JMJD1C: variants seen among roughly 807,000 people sequenced by gnomAD.
JMJD1C encodes the protein jumonji domain-containing protein 1C.
In JMJD1C, 31 loss-of-function variants were observed where a neutral mutation model predicts 245.3. That is an observed-to-expected ratio of 0.13 (90% CI 0.09 to 0.17). JMJD1C has a LOEUF of 0.17. Among genes scored for constraint, JMJD1C ranks in the 10% least tolerant of loss-of-function variants. The pLI, the probability that JMJD1C is intolerant of heterozygous loss-of-function variation, is 1.00. For synonymous variants in JMJD1C, 1,057 were observed against 1,017.4 expected, an observed-to-expected ratio of 1.04 and a Z score of -0.74; for missense variants, 2,691 against 3,000.2, an observed-to-expected ratio of 0.90 and a Z score of 2.41.
upstream of JMJD1C, among the ~76,000 whole-genome samples, chr10:63,468,594 G>A (rs1953392201): frequency 6.6e-6 from 1 of 152,138 alleles, no homozygotes; most frequent in Admixed American, 6.6e-5. Context: ...TAAAAAGAAT[G>A]ACAGTGAATT....
chr10:63,369,464 A>G (rs981680822), intron 2 of JMJD1C, among the ~76,000 whole-genome samples: 1 of 152,174 alleles, frequency 6.6e-6, no homozygotes, highest in Non-Finnish European at 1.5e-5. Context: ...TTCTATGCCA[A>G]TAGTCCTGCA....
intron 1 of JMJD1C, among the ~76,000 whole-genome samples, chr10:63,392,881 C>CATAA (rs968331063): frequency 6.9e-6 from 1 of 144,712 alleles, no homozygotes; most frequent in African/African-American, 2.6e-5. Context: ...CACACACACA[C>CATAA]ACACACACAC....
At chr10:63,297,557 T>C (rs986004457) in intron 2 of JMJD1C, among the ~76,000 whole-genome samples, 5 of 152,102 alleles carry the variant, frequency 3.3e-5, no homozygotes, top group African/African-American at 1.2e-4. Flanking sequence ...AACACATTCC[T>C]GGCTGGCTTA....
chr10:63,399,935 T>TA (rs58364547), intron 1 of JMJD1C, among the ~76,000 whole-genome samples: 4 of 151,196 alleles, frequency 2.6e-5, no homozygotes, highest in Admixed American at 6.6e-5. Flanking sequence ...TTCCATTTTT[T>TA]AAAAAAAAAT....
chr10:63,404,782 A>C (rs866211396), intron 1 of JMJD1C, among the ~76,000 whole-genome samples: 15 of 152,308 alleles, frequency 9.8e-5, no homozygotes, highest in African/African-American at 3.6e-4. Flanking sequence ...AAAGAGAAGC[A>C]ATTATTAACT....
At chr10:63,225,991 C>A (rs897584538) in intron 3 of JMJD1C, among the ~76,000 whole-genome samples, 1 of 151,544 alleles carries the variant, frequency 6.6e-6, no homozygotes, top group African/African-American at 2.4e-5. Context: ...CCCCACCCCC[C>A]CCTTCCCTCC....
intron 1 of JMJD1C, among the ~76,000 whole-genome samples, chr10:63,419,654 G>A (rs10995530): frequency 0.66 from 100,083 of 151,648 alleles, 35,945 homozygotes; most frequent in Non-Finnish European, 0.81. Flanking sequence ...AATTCAGAAA[G>A]GCTATATCCT....
At chr10:63,302,246 A>G (rs1195672577) in intron 2 of JMJD1C, among the ~76,000 whole-genome samples, 5 of 152,194 alleles carry the variant, frequency 3.3e-5, no homozygotes, top group African/African-American at 1.2e-4. Context: ...CCCTGTACTC[A>G]AGTCATCTCC....
chr10:63,327,214 G>A (rs184055104), intron 2 of JMJD1C, among the ~76,000 whole-genome samples: 117 of 152,138 alleles, frequency 7.7e-4, no homozygotes, highest in African/African-American at 2.6e-3. Flanking sequence ...AAACAGGACA[G>A]CCTACAATCT....
intron 1 of JMJD1C, among the ~76,000 whole-genome samples, chr10:63,508,159 G>A (rs1403905139): frequency 6.6e-6 from 1 of 152,122 alleles, no homozygotes; most frequent in Non-Finnish European, 1.5e-5. Context: ...TAATCTGCCT[G>A]GTGTAAGGTC....
At chr10:63,521,456 C>A (rs1302035875) in intron 1 of JMJD1C, 5 of 805,182 alleles carry the variant, frequency 6.2e-6, no homozygotes, top group Non-Finnish European at 8.2e-6. Flanking sequence ...GCGCGAGGAG[C>A]CGGCGAAGCG....
chr10:63,513,978 C>T (rs1276127519), intron 1 of JMJD1C, among the ~76,000 whole-genome samples: 1 of 152,022 alleles, frequency 6.6e-6, no homozygotes, highest in Non-Finnish European at 1.5e-5. Context: ...AACACATGAA[C>T]AGACACTTCT....
intron 1 of JMJD1C, chr10:63,427,839 A>G: frequency 1.0e-6 from 1 of 955,584 alleles, no homozygotes; most frequent in Non-Finnish European, 1.7e-6. Context: ...TTGTTGAGAC[A>G]GCCAAGGAAG....
intron 3 of JMJD1C, among the ~76,000 whole-genome samples, chr10:63,238,482 A>G (rs1851054740): frequency 6.6e-6 from 1 of 152,326 alleles, no homozygotes; most frequent in South Asian, 2.1e-4. Flanking sequence ...TTTTGAATAA[A>G]AATATTTAGA....
At chr10:63,336,653 C>T (rs1942765089) in intron 2 of JMJD1C, among the ~76,000 whole-genome samples, 1 of 152,138 alleles carries the variant, frequency 6.6e-6, no homozygotes, top group African/African-American at 2.4e-5. Flanking sequence ...AGGGTCAGCA[C>T]TCACCATCTG....
chr10:63,249,673 A>G (rs995832638), intron 3 of JMJD1C, among the ~76,000 whole-genome samples: 5 of 152,102 alleles, frequency 3.3e-5, no homozygotes, highest in African/African-American at 1.2e-4. Flanking sequence ...AGCCTGTCCA[A>G]TAAGGTGAAA....
chr10:63,405,856 A>G (rs1289256067), intron 1 of JMJD1C, among the ~76,000 whole-genome samples: 1 of 152,210 alleles, frequency 6.6e-6, no homozygotes, highest in Non-Finnish European at 1.5e-5. Context: ...GAAGGGGATG[A>G]GTAAAACAAT....
intron 10 of JMJD1C, chr10:63,202,199 G>T: frequency 3.3e-6 from 2 of 607,600 alleles, no homozygotes; most frequent in Non-Finnish European, 4.1e-6. Flanking sequence ...AGTTGCAGTG[G>T]GGTGAGATCG....
In JMJD1C at chr10:63,214,840, G is replaced by A. The variant is rs1463096220; in HGVS notation, c.1327C>T (p.His443Tyr). The part of the protein sequence containing the change: ...PWDQIQEDKK[H>Y]EEAEKRKSVD... ...GACTTCCGCTTCTCTGCTTCTTCAT[G>A]TTTTTTATCTTCCTGTATTTGATCC... Residue 443 changes from histidine to tyrosine, a missense_variant, in exon 8 of 26, where the codon CAT (histidine) becomes TAT (tyrosine). This residue lies in a region of JMJD1C where 1,562 missense variants were observed against 1,490.7 expected (regional missense o/e 1.05). Transcript: ENST00000399262. 2 of 1,613,824 alleles carry A rather than the reference G, an allele frequency of 1.2e-6. No homozygotes were observed. The highest frequency in any genetic ancestry group is 2.2e-5 in the South Asian group (2 of 91,080).
Sources: gnomAD v4.1 joint callset for allele counts (sites outside exome capture counted in the v4.1 genomes callset) on GRCh38, gnomAD v4.1.1 for gene constraint, gnomAD v4.1.1 regional missense constraint, MANE v1.5 for transcripts, NCBI Gene and HGNC (gene_info 2026-07-23, HGNC 2026-07-21) for gene names.